KCNIP4: variants seen among roughly 807,000 people sequenced by gnomAD.
The protein encoded by KCNIP4 is Kv channel-interacting protein 4.
A neutral mutation model predicts 34.0 loss-of-function variants in KCNIP4; 12 were observed. That is an observed-to-expected ratio of 0.35 (90% CI 0.23 to 0.57). The LOEUF is 0.57. Among genes scored for constraint, KCNIP4 ranks in the 20% least tolerant of loss-of-function variants. The pLI is 0.83. For synonymous variants in KCNIP4, 124 were observed against 102.2 expected, an observed-to-expected ratio of 1.21 and a Z score of -1.29; for missense variants, 238 against 311.7, an observed-to-expected ratio of 0.76 and a Z score of 1.78.
intron 1 of KCNIP4, among the ~76,000 whole-genome samples, chr4:21,568,905 A>T (rs1448572187): frequency 6.6e-6 from 1 of 152,088 alleles, no homozygotes; most frequent in Non-Finnish European, 1.5e-5. Flanking sequence ...AACACTGACT[A>T]ATACAGTGAA....
At chr4:21,481,041 T>C (rs1375566074) in intron 1 of KCNIP4, among the ~76,000 whole-genome samples, 1 of 152,134 alleles carries the variant, frequency 6.6e-6, no homozygotes, top group Non-Finnish European at 1.5e-5. Context: ...GGCACTGATA[T>C]AGGTGTAGAT....
chr4:20,937,222 C>CTTTTTTTTTTTTTTTTTTTTTTTT (rs397992488), intron 1 of KCNIP4, among the ~76,000 whole-genome samples: 5 of 45,530 alleles, frequency 1.1e-4, no homozygotes, highest in African/African-American at 1.7e-4. Context: ...CCCAAGGAGT[C>CTTTTTTTTTTTTTTTTTTTTTTTT]TTTTTTTTTT....
intron 1 of KCNIP4, among the ~76,000 whole-genome samples, chr4:21,681,716 C>G (rs183701634): frequency 6.6e-6 from 1 of 152,194 alleles, no homozygotes; most frequent in Admixed American, 6.5e-5. Flanking sequence ...AAAAAGGTTT[C>G]ATTGGCTCAC....
chr4:21,111,406 A>G (rs1749153880), intron 1 of KCNIP4, among the ~76,000 whole-genome samples: 1 of 152,198 alleles, frequency 6.6e-6, no homozygotes, highest in Non-Finnish European at 1.5e-5. Context: ...GAAGTAAGGG[A>G]GCAATAGAAA....
intron 1 of KCNIP4, among the ~76,000 whole-genome samples, chr4:21,095,323 A>G (rs998345575): frequency 1.3e-5 from 2 of 152,228 alleles, no homozygotes; most frequent in African/African-American, 4.8e-5. Flanking sequence ...CCACTAGCAT[A>G]TATTAAAAGA....
At chr4:20,926,727 C>G (rs539811753) in intron 1 of KCNIP4, among the ~76,000 whole-genome samples, 5 of 152,162 alleles carry the variant, frequency 3.3e-5, no homozygotes, top group Non-Finnish European at 7.3e-5. Context: ...AGCTGAGTTT[C>G]CACATGAGTC....
chr4:21,524,103 T>C lies in KCNIP4; in HGVS notation c.61+424468A>G, dbSNP rs1735773222. ...TTTATTTTCTCCACTCTTGAAAGAA[T>C]GGAGAGACATAGACATATCTGGGTG... On this transcript the variant is annotated intron_variant, in intron 1 of 8. Coordinates refer to ENST00000382152, the MANE Select transcript of KCNIP4 (RefSeq NM_025221.6). Among the ~76,000 whole-genome samples the C allele has an allele frequency of 2.0e-5, 3 of 152,108 alleles. No homozygotes were observed. The South Asian group carries it at 6.2e-4, about 32-fold the overall frequency.
intron 4 of KCNIP4, among the ~76,000 whole-genome samples, chr4:20,755,541 G>A (rs1157994392): frequency 6.6e-6 from 1 of 152,156 alleles, no homozygotes; most frequent in Non-Finnish European, 1.5e-5. Context: ...TAAACAAAGT[G>A]GAGAAATCCT....
chr4:21,177,871 T>TAC (rs1415937820), intron 1 of KCNIP4, among the ~76,000 whole-genome samples: 42 of 146,360 alleles, frequency 2.9e-4, no homozygotes, highest in African/African-American at 9.5e-4. Context: ...TATATATATA[T>TAC]ATATATAAAA....
chr4:21,933,357 G>A (rs947703146), intron 1 of KCNIP4, among the ~76,000 whole-genome samples: 1 of 151,896 alleles, frequency 6.6e-6, no homozygotes, highest in African/African-American at 2.4e-5. Context: ...CTTTTTGCAG[G>A]GGTGGAATGG....
Position 20,734,622 on chromosome 4 carries a change from C to A in KCNIP4, c.537+6G>T. 1.5e-6 allele frequency: 2 copies of A among 1,322,058 alleles called. No individual in the cohort carries two copies. The highest frequency in any genetic ancestry group is 4.4e-5 in the Admixed American group (2 of 45,488). 81.9% of individuals were successfully genotyped at this position (1,322,058 alleles called of 1,614,324 possible). On this transcript the variant is annotated splice_donor_region_variant and intron_variant, in intron 6 of 8. Coordinates refer to ENST00000382152, the MANE Select transcript of KCNIP4 (RefSeq NM_025221.6). Reference sequence around the variant, plus strand: ...ATTACTGTGATGTTGGTGAGGCATCCCTTACCTCTTTAGTGATGTAGCCAT... The same window carrying A: ...ATTACTGTGATGTTGGTGAGGCATCACTTACCTCTTTAGTGATGTAGCCAT...
chr4:21,069,536 C>T (rs576448024), intron 1 of KCNIP4, among the ~76,000 whole-genome samples: 29 of 152,006 alleles, frequency 1.9e-4, no homozygotes, highest in Non-Finnish European at 3.8e-4. Context: ...TTCACTTGCC[C>T]GGAGAAGAGG....
chr4:21,374,345 G>A (rs1024031403), intron 1 of KCNIP4, among the ~76,000 whole-genome samples: 1 of 147,142 alleles, frequency 6.8e-6, no homozygotes, highest in Non-Finnish European at 1.5e-5. Flanking sequence ...ATGGCAGCAG[G>A]CAAGAGAGAG....
At chr4:21,692,284 A>C (rs2109046009) in intron 1 of KCNIP4, among the ~76,000 whole-genome samples, 1 of 152,358 alleles carries the variant, frequency 6.6e-6, no homozygotes, top group East Asian at 1.9e-4. Flanking sequence ...AAATTAAAGA[A>C]GGCAACCAGT....
intron 1 of KCNIP4, among the ~76,000 whole-genome samples, chr4:21,821,672 G>T (rs1433336387): frequency 2.6e-5 from 4 of 152,012 alleles, no homozygotes; most frequent in Admixed American, 2.0e-4. Flanking sequence ...TCAATTTCAG[G>T]CTTTCTTGTG....
At chr4:21,942,341 A>G (rs1334942327) in intron 1 of KCNIP4, among the ~76,000 whole-genome samples, 7 of 152,136 alleles carry the variant, frequency 4.6e-5, no homozygotes, top group African/African-American at 1.4e-4. Flanking sequence ...GGGCCAGGAG[A>G]TGTGAGGCCC....
chr4:20,871,147 T>G (rs1391603170), intron 2 of KCNIP4, among the ~76,000 whole-genome samples: 2 of 152,120 alleles, frequency 1.3e-5, no homozygotes, highest in African/African-American at 4.8e-5. Flanking sequence ...ATTGATTGAG[T>G]GCCTATTATG....
intron 1 of KCNIP4, among the ~76,000 whole-genome samples, chr4:21,785,879 T>C (rs1337340258): frequency 6.6e-6 from 1 of 152,216 alleles, no homozygotes. Flanking sequence ...TTGTTCCCAC[T>C]TTTTGACTAT....
intron 1 of KCNIP4, among the ~76,000 whole-genome samples, chr4:21,790,024 T>C (rs1418686592): frequency 6.6e-6 from 1 of 152,212 alleles, no homozygotes; most frequent in African/African-American, 2.4e-5. Flanking sequence ...ATTTTGGTTA[T>C]GAAACTGCCA....
Sources: allele counts gnomAD v4.1 joint callset (sites outside exome capture counted in the v4.1 genomes callset), GRCh38; gene constraint gnomAD v4.1.1; transcripts MANE v1.5; gene names NCBI Gene and HGNC (gene_info 2026-07-23, HGNC 2026-07-21).